The following DOCK2 variants were observed in gnomAD, a reference collection of about 807,000 sequenced individuals.
The protein encoded by DOCK2 is dedicator of cytokinesis protein 2.
A neutral mutation model predicts 248.9 loss-of-function variants in DOCK2; 87 were observed. The observed-to-expected ratio is 0.35, with a 90% confidence interval of 0.29 to 0.42. The LOEUF is 0.42. DOCK2 is among the 10% of genes least tolerant of loss of function. DOCK2 has a pLI of 1.00. For synonymous variants in DOCK2, 805 were observed against 821.6 expected (o/e 0.98, Z 0.35); for missense variants, 1,747 against 2,300.2 (o/e 0.76, Z 4.92).
In DOCK2 at chr5:169,773,710, T is replaced by G. The variant is rs114387618; in HGVS notation, c.2554+12085T>G. ...TGCTGAGGTGGGGTTTTAGAATGTTTGTATGGTTTGGCTGTGTCCCCACCC... is the reference window on the plus strand; with the variant it reads ...TGCTGAGGTGGGGTTTTAGAATGTTGGTATGGTTTGGCTGTGTCCCCACCC... On this transcript the variant is annotated intron_variant, in intron 25 of 51. Transcript: ENST00000520908. 5.1e-3 allele frequency among the ~76,000 whole-genome samples: 777 copies of G among 152,312 alleles called. 10 individuals carry two copies. The highest frequency in any genetic ancestry group is 0.018 in the African/African-American group (755 of 41,572).
At chr5:169,999,451 G>A (rs1754758411) in intron 30 of DOCK2, among the ~76,000 whole-genome samples, 1 of 152,160 alleles carries the variant, frequency 6.6e-6, no homozygotes, top group South Asian at 2.1e-4. Flanking sequence ...TTTGGATAAT[G>A]ATTATGATGA....
At chr5:169,727,117 C>T (rs1762518728) in intron 22 of DOCK2, among the ~76,000 whole-genome samples, 1 of 150,750 alleles carries the variant, frequency 6.6e-6, no homozygotes, top group African/African-American at 2.5e-5. Context: ...GGAGCCAGTC[C>T]ATGGGACGAA....
chr5:169,651,583 AG>A (rs1757806973), intron 1 of DOCK2, among the ~76,000 whole-genome samples: 2 of 152,142 alleles, frequency 1.3e-5, no homozygotes, highest in Non-Finnish European at 1.5e-5. Flanking sequence ...TTCTGTTGGA[AG>A]CCTCAGTTGC....
Position 170,081,883 on chromosome 5 carries a change from G to C in DOCK2, c.5329G>C (p.Ala1777Pro). 1 of 1,613,746 alleles carries C rather than the reference G, an allele frequency of 6.2e-7. No homozygotes were observed. The highest frequency in any genetic ancestry group is 8.5e-7 in the Non-Finnish European group (1 of 1,179,974). The change falls in exon 51 of 52, where the codon GCC (alanine) becomes CCC (proline). Residue 1777 changes from alanine to proline, a missense_variant. Ala to Pro is a conservative substitution (Grantham distance 27). Coordinates refer to ENST00000520908, the MANE Select transcript of DOCK2 (RefSeq NM_004946.3). ...GGCAGGCATCCCTGGGTTGGATGAG[G>C]CCAACACATCTCCCCGCCTCAGCCA... The part of the protein sequence containing the change: ...SVAGIPGLDE[A>P]NTSPRLSQTF...
chr5:169,928,102 A>T (rs1410439983), intron 27 of DOCK2, among the ~76,000 whole-genome samples: 1 of 152,192 alleles, frequency 6.6e-6, no homozygotes, highest in African/African-American at 2.4e-5. Flanking sequence ...AGATACTGTC[A>T]ACCTGGGGTT....
intron 14 of DOCK2, among the ~76,000 whole-genome samples, chr5:169,704,772 TG>T (rs1454933560): frequency 1.0e-4 from 4 of 40,024 alleles, no homozygotes; most frequent in Non-Finnish European, 2.5e-4. Context: ...TGTGTGTGTG[TG>T]TGTGTGTGTG....
chr5:169,685,782 C>T (rs111338136), intron 8 of DOCK2, among the ~76,000 whole-genome samples: 2,478 of 152,194 alleles, frequency 0.016, 40 homozygotes, highest in East Asian at 0.03. Context: ...CTCATGGTTC[C>T]GTGTCACTAA....
chr5:169,905,286 A>G (rs1324274385), intron 27 of DOCK2, among the ~76,000 whole-genome samples: 2 of 95,740 alleles, frequency 2.1e-5, no homozygotes, highest in East Asian at 2.7e-4. Flanking sequence ...GTACTGTTAG[A>G]GCCAGTGTTT....
chr5:169,656,855 G>A (rs931062518), intron 2 of DOCK2, among the ~76,000 whole-genome samples: 4 of 152,158 alleles, frequency 2.6e-5, no homozygotes, highest in African/African-American at 4.8e-5. Flanking sequence ...TGACCTTTAC[G>A]AAGGCTACTC....
At chr5:169,710,106 A>G (rs1050362372) in intron 15 of DOCK2, among the ~76,000 whole-genome samples, 4 of 152,202 alleles carry the variant, frequency 2.6e-5, no homozygotes, top group African/African-American at 9.6e-5. Context: ...TCATGAACAT[A>G]CTGGAGGGAC....
intron 44 of DOCK2, 127 bp downstream of exon 44, chr5:170,057,793 G>T: frequency 1.3e-6 from 1 of 778,666 alleles, no homozygotes; most frequent in Non-Finnish European, 2.0e-6. Context: ...GTGAGTCCCA[G>T]AATTCCCATG....
intron 28 of DOCK2, among the ~76,000 whole-genome samples, chr5:169,984,035 G>T (rs947205684): frequency 6.6e-6 from 1 of 152,186 alleles, no homozygotes; most frequent in Non-Finnish European, 1.5e-5. Flanking sequence ...GGAAGGAAAG[G>T]TTTCTGGGGG....
intron 42 of DOCK2, among the ~76,000 whole-genome samples, chr5:170,055,926 C>A (rs1174023942): frequency 6.6e-6 from 1 of 152,236 alleles, no homozygotes; most frequent in African/African-American, 2.4e-5. Context: ...GATGAGGCCA[C>A]AAGGTGGGGC....
Position 170,019,681 on chromosome 5 carries a change from A to G in DOCK2, c.3381+573A>G, listed in dbSNP as rs548434484. ...GCCATTGGCCAAATATTGTCATTGA[A>G]TATTTCGTCAAACTTGGACAATGAG... On this transcript the variant is annotated intron_variant, in intron 33 of 51. Coordinates refer to ENST00000520908, the MANE Select transcript of DOCK2 (RefSeq NM_004946.3). Among the ~76,000 whole-genome samples the G allele has an allele frequency of 3.0e-4, 45 of 152,256 alleles. No individual in the cohort carries two copies. In the South Asian group the frequency reaches 8.7e-3, roughly 29 times the overall value.
chr5:169,880,703 G>A (rs1772591165), intron 27 of DOCK2, among the ~76,000 whole-genome samples: 1 of 152,142 alleles, frequency 6.6e-6, no homozygotes, highest in Non-Finnish European at 1.5e-5. Flanking sequence ...AGGGATAATT[G>A]TTCCCTATTC....
chr5:169,963,766 C>T (rs969337885), intron 27 of DOCK2, among the ~76,000 whole-genome samples: 14 of 152,144 alleles, frequency 9.2e-5, no homozygotes, highest in African/African-American at 3.1e-4. Context: ...TAGCATCATT[C>T]ACTCACTACA....
At chr5:169,696,614 A>T (rs547058562) in intron 10 of DOCK2, among the ~76,000 whole-genome samples, 1 of 152,326 alleles carries the variant, frequency 6.6e-6, no homozygotes, top group East Asian at 1.9e-4. Flanking sequence ...TGAAAATGGC[A>T]ATTTGATATG....
chr5:169,936,283 G>A (rs1342949281), intron 27 of DOCK2, among the ~76,000 whole-genome samples: 2 of 152,170 alleles, frequency 1.3e-5, no homozygotes, highest in African/African-American at 4.8e-5. Flanking sequence ...GTGCTTCAAC[G>A]ACAGAGATGG....
At chr5:169,751,963 A>G (rs1561662810) in intron 23 of DOCK2, among the ~76,000 whole-genome samples, 1 of 149,070 alleles carries the variant, frequency 6.7e-6, no homozygotes, top group Non-Finnish European at 1.5e-5. Flanking sequence ...TAGGATTTGA[A>G]TCCATCCAGG....
Sources: gnomAD v4.1 joint callset for allele counts (sites outside exome capture counted in the v4.1 genomes callset) on GRCh38, gnomAD v4.1.1 for gene constraint, MANE v1.5 for transcripts, NCBI Gene and HGNC (gene_info 2026-07-23, HGNC 2026-07-21) for gene names.